Variants in CDK2AP1 observed in about 807,000 individuals in gnomAD.
CDK2AP1 encodes the protein cyclin-dependent kinase 2-associated protein 1.
A neutral mutation model predicts 14.1 loss-of-function variants in CDK2AP1; 10 were observed. That is an observed-to-expected ratio of 0.71 (90% CI 0.44 to 1.20). The LOEUF (loss-of-function observed/expected upper bound fraction) is 1.20, where lower values mean the gene tolerates loss of function less well. Ranked by LOEUF, CDK2AP1 falls within the 50% of genes most tolerant of loss-of-function variation. CDK2AP1 has a pLI of 0.00. For synonymous variants in CDK2AP1, 59 were observed against 59.8 expected (o/e 0.99, Z 0.06); for missense variants, 102 against 149.9 (o/e 0.68, Z 1.67).
At chr12:123,263,082 T>G (rs2048249467) in intron 3 of CDK2AP1, among the ~76,000 whole-genome samples, 1 of 151,030 alleles carries the variant, frequency 6.6e-6, no homozygotes, top group Non-Finnish European at 1.5e-5. Flanking sequence ...GGCGTGGTGG[T>G]GGGCGCCTAT....
At chr12:123,270,118 G>C (rs906382045) in intron 1 of CDK2AP1, 1 of 619,226 alleles carries the variant, frequency 1.6e-6, no homozygotes, top group Non-Finnish European at 2.0e-6. Context: ...GCCCAGGCTG[G>C]CAACACCAGC....
At chr12:123,271,980 G>A (rs1025969290), upstream of CDK2AP1, 8 of 147,154 alleles carry the variant, frequency 5.4e-5, no homozygotes, top group African/African-American at 2.0e-4. Flanking sequence ...CAAAGTTTGG[G>A]GGGCTGGGGT....
intron 3 of CDK2AP1, 121 bp from the exon 4 acceptor site, chr12:123,261,924 G>T: frequency 2.8e-6 from 2 of 726,894 alleles, no homozygotes; most frequent in Non-Finnish European, 4.9e-6. Context: ...CAGACATAAA[G>T]AGAACCAGGG....
At chr12:123,269,433 G>A (rs926756408) in intron 1 of CDK2AP1, among the ~76,000 whole-genome samples, 3 of 152,178 alleles carry the variant, frequency 2.0e-5, no homozygotes, top group African/African-American at 7.2e-5. Context: ...GAGAGAGATG[G>A]CGGAAGGGCT....
At chr12:123,270,916 G>A in intron 1 of CDK2AP1, 2 of 985,202 alleles carry the variant, frequency 2.0e-6, no homozygotes, top group Non-Finnish European at 2.4e-6. Flanking sequence ...GACCGCATGG[G>A]GTAGCCCCTG....
Position 123,271,624 on chromosome 12 carries a change from CG to C in CDK2AP1, c.-7del. 2 of 987,856 alleles carry C rather than the reference CG, an allele frequency of 2.0e-6. No individual in the cohort carries two copies. The highest frequency in any genetic ancestry group is 2.4e-6 in the Non-Finnish European group (2 of 832,642). 61.2% of individuals were successfully genotyped at this position (987,856 alleles called of 1,614,324 possible). A position where few individuals can be genotyped will look rare whatever the true frequency, so the allele number is the denominator to read the frequency against. Reference sequence around the variant, plus strand: ...AAGTTCGGTTTGTAAGACATCCCCCCGGGCGGCGGGCGCGCCGGGCGCGGCG... The same window carrying C: ...AAGTTCGGTTTGTAAGACATCCCCCCGGCGGCGGGCGCGCCGGGCGCGGCG... On this transcript the variant is annotated 5_prime_UTR_variant, in exon 1 of 4. Coordinates refer to ENST00000261692, the MANE Select transcript of CDK2AP1 (RefSeq NM_004642.4).
At position 123,271,632 on chromosome 12, in the gene CDK2AP1, G is replaced by T; in HGVS notation, c.-14C>A. 1.0e-6 allele frequency: 1 copy of T among 977,758 alleles called. No individual in the cohort carries two copies. Among genetic ancestry groups the T allele is most frequent in the South Asian group, 4.5e-5 (1 of 22,080 alleles). 60.6% of individuals were successfully genotyped at this position (977,758 alleles called of 1,614,324 possible). A position where few individuals can be genotyped will look rare whatever the true frequency, so the allele number is the denominator to read the frequency against. On this transcript the variant is annotated 5_prime_UTR_variant, in exon 1 of 4. Coordinates refer to ENST00000261692, the MANE Select transcript of CDK2AP1 (RefSeq NM_004642.4). ...TTTGTAAGACATCCCCCCGGGCGGC[G>T]GGCGCGCCGGGCGCGGCGGGGCCAG...
intron 3 of CDK2AP1, among the ~76,000 whole-genome samples, chr12:123,262,665 T>A (rs930049825): frequency 6.6e-6 from 1 of 152,180 alleles, no homozygotes; most frequent in Admixed American, 6.5e-5. Flanking sequence ...AGCCTCAACC[T>A]GCCAGGATCA....
chr12:123,262,479 T>A (rs878968314), intron 3 of CDK2AP1: 2 of 152,174 alleles, frequency 1.3e-5, no homozygotes, highest in Admixed American at 1.3e-4. Flanking sequence ...ACCTCACAAA[T>A]CTTAGAAACT....
At chr12:123,271,480 GC>G in intron 1 of CDK2AP1, 83 bp downstream of exon 1, 2 of 745,022 alleles carry the variant, frequency 2.7e-6, no homozygotes, top group Non-Finnish European at 3.3e-6. Context: ...CTCCGCGGGC[GC>G]CCCGGGCATC....
chr12:123,268,666 G>A (rs989975717), intron 1 of CDK2AP1, among the ~76,000 whole-genome samples: 4 of 152,226 alleles, frequency 2.6e-5, no homozygotes, highest in East Asian at 1.9e-4. Flanking sequence ...CAGTTTCCAC[G>A]CCTCCCACGT....
In CDK2AP1 at chr12:123,271,181, C is replaced by A. The variant is rs1275603773; in HGVS notation, c.55+383G>T. 7 of 213,896 alleles carry A rather than the reference C, an allele frequency of 3.3e-5. No individual in the cohort carries two copies. The South Asian group carries it at 4.8e-4, about 15-fold the overall frequency. 13.2% of individuals were successfully genotyped at this position (213,896 alleles called of 1,614,324 possible). On this transcript the variant is annotated intron_variant, in intron 1 of 3. Transcript: ENST00000261692. ...GGGGCCCCGCGCCCCGCTCCCGGCG[C>A]GGCCCGGGCCGCTCCCGACTCCCGC... is the stretch of plus-strand genomic sequence containing the variant.
chr12:123,271,711 G>C lies in CDK2AP1; in HGVS notation c.-93C>G, dbSNP rs2138827713. The C allele has an allele frequency of 2.7e-6, 1 of 376,670 alleles. No individual in the cohort carries two copies. The highest frequency in any genetic ancestry group is 1.1e-4 in the South Asian group (1 of 9,400). The allele number at this position is 376,670 out of a possible 1,614,324, so 23.3% of individuals were successfully genotyped here. A position where few individuals can be genotyped will look rare whatever the true frequency, so the allele number is the denominator to read the frequency against. On this transcript the variant is annotated 5_prime_UTR_variant, in exon 1 of 4. Coordinates refer to ENST00000261692, the MANE Select transcript of CDK2AP1 (RefSeq NM_004642.4). ...GGCCGGGCGGTAGCGCTGCAGCCCCGCGCCCGTCCGAGCGCCCGCCGAGCG... is the reference window on the plus strand; with the variant it reads ...GGCCGGGCGGTAGCGCTGCAGCCCCCCGCCCGTCCGAGCGCCCGCCGAGCG...
chr12:123,265,121 A>T lies in CDK2AP1; in HGVS notation c.280+75T>A, dbSNP rs1293240387. On this transcript the variant is annotated intron_variant, in intron 3 of 3. Coordinates refer to ENST00000261692, the MANE Select transcript of CDK2AP1 (RefSeq NM_004642.4). The surrounding 1 kb of genome is among the most constrained non-coding windows in gnomAD (Gnocchi z 5.3). ...CCTCATCCCTAGCCCACCTTCCCAC[A>T]TTTTCCCCAAAAGTCTTTCCAGAGT... 3.8e-6 allele frequency: 6 copies of T among 1,592,930 alleles called. No homozygotes were observed. The East Asian group carries it at 1.4e-4, about 36-fold the overall frequency.
chr12:123,269,618 AGACAAAGAGCGCGGG>A (rs1451421710), intron 1 of CDK2AP1, among the ~76,000 whole-genome samples: 2 of 152,048 alleles, frequency 1.3e-5, no homozygotes, highest in Non-Finnish European at 2.9e-5. Flanking sequence ...CCCCCACGCC[AGACAAAGAGCGCGGG>A]GCCTGGGGAG....
intron 3 of CDK2AP1, among the ~76,000 whole-genome samples, chr12:123,263,901 C>T (rs1427893862): frequency 6.6e-6 from 1 of 150,680 alleles, no homozygotes; most frequent in African/African-American, 2.4e-5. Context: ...GTCAAGAAAT[C>T]GAAACCATCC....
intron 3 of CDK2AP1, among the ~76,000 whole-genome samples, chr12:123,263,544 C>T (rs1312284424): frequency 6.6e-6 from 1 of 152,180 alleles, no homozygotes; most frequent in African/African-American, 2.4e-5. Context: ...CCCCAGCTAC[C>T]GGAGAGCAGC....
rs1051526677 is a variant in CDK2AP1, at chr12:123,271,687, G to T, written c.-69C>A. The T allele has an allele frequency of 3.3e-6, 2 of 599,854 alleles. No individual in the cohort carries two copies. The highest frequency in any genetic ancestry group is 4.2e-6 in the Non-Finnish European group (2 of 480,504). The allele number at this position is 599,854 out of a possible 1,614,324, so 37.2% of individuals were successfully genotyped here. A position where few individuals can be genotyped will look rare whatever the true frequency, so the allele number is the denominator to read the frequency against. ...CGAGGGCGGCGGCGGCGGCGGCGAGGCCGGGCGGTAGCGCTGCAGCCCCGC... is the reference window on the plus strand; with the variant it reads ...CGAGGGCGGCGGCGGCGGCGGCGAGTCCGGGCGGTAGCGCTGCAGCCCCGC... On this transcript the variant is annotated 5_prime_UTR_variant, in exon 1 of 4. Coordinates refer to ENST00000261692, the MANE Select transcript of CDK2AP1 (RefSeq NM_004642.4).
chr12:123,270,512 G>T (rs962365166), intron 1 of CDK2AP1, among the ~76,000 whole-genome samples: 11 of 150,724 alleles, frequency 7.3e-5, no homozygotes, highest in African/African-American at 2.7e-4. Flanking sequence ...CCCCCATCCC[G>T]CCCCGCAACA....
Sources: allele counts gnomAD v4.1 joint callset (sites outside exome capture counted in the v4.1 genomes callset), GRCh38; gene constraint gnomAD v4.1.1; non-coding constraint Gnocchi (gnomAD v3.1); transcripts MANE v1.5; gene names NCBI Gene and HGNC (gene_info 2026-07-23, HGNC 2026-07-21).